CEP112: variants seen among roughly 807,000 people sequenced by gnomAD.
CEP112 encodes centrosomal protein of 112 kDa.
In CEP112, 127 loss-of-function variants were observed where a neutral mutation model predicts 153.0. The observed-to-expected ratio is 0.83, with a 90% CI of 0.72 to 0.96. The LOEUF (loss-of-function observed/expected upper bound fraction) is 0.96. CEP112 is among the 40% of genes least tolerant of loss of function. CEP112 has a pLI of 0.00. For missense variants in CEP112, 1,089 were observed against 1,101.2 expected, an observed-to-expected ratio of 0.99 and a Z score of 0.16; for synonymous variants, 358 against 374.4, an observed-to-expected ratio of 0.96 and a Z score of 0.51.
In CEP112 at chr17:66,081,427, G is replaced by A. The variant is rs190801963; in HGVS notation, c.769-11426C>T. 1.9e-3 allele frequency among the ~76,000 whole-genome samples: 287 copies of A among 152,164 alleles called. 1 individual carries two copies. The highest frequency in any genetic ancestry group is 1.5e-3 in the Non-Finnish European group (99 of 68,006). On this transcript the variant is annotated intron_variant, in intron 8 of 26. Coordinates refer to ENST00000535342, the MANE Select transcript of CEP112 (RefSeq NM_001199165.4). ...GGATATTGGCAATTATCTAATTCTT[G>A]CCTGGGTGGCATTTACAATGGCATT...
At chr17:65,959,949 C>T (rs2062140268) in intron 18 of CEP112, among the ~76,000 whole-genome samples, 1 of 152,182 alleles carries the variant, frequency 6.6e-6, no homozygotes, top group African/African-American at 2.4e-5. Flanking sequence ...TAGCAAAACT[C>T]AGGCAAAGGT....
intron 17 of CEP112, among the ~76,000 whole-genome samples, chr17:65,982,926 A>G (rs2063279961): frequency 6.6e-6 from 1 of 152,246 alleles, no homozygotes; most frequent in Non-Finnish European, 1.5e-5. Context: ...AGATGAACCT[A>G]GAAAACATTA....
At chr17:65,975,268 ACAGT>A (rs1241646328) in intron 17 of CEP112, among the ~76,000 whole-genome samples, 7 of 152,212 alleles carry the variant, frequency 4.6e-5, no homozygotes, top group Admixed American at 1.3e-4. Context: ...CAGGTTTCTC[ACAGT>A]CAGAGGGTAA....
chr17:65,921,788 G>C (rs1159205551), intron 19 of CEP112, among the ~76,000 whole-genome samples: 1 of 151,952 alleles, frequency 6.6e-6, no homozygotes, highest in Non-Finnish European at 1.5e-5. Context: ...TATTGTGTTA[G>C]TATTATTTTT....
At chr17:66,076,759 A>T (rs2146133433) in intron 8 of CEP112, among the ~76,000 whole-genome samples, 1 of 152,324 alleles carries the variant, frequency 6.6e-6, no homozygotes, top group East Asian at 1.9e-4. Flanking sequence ...CAGCACAAAA[A>T]TAGAACTGTA....
chr17:66,096,268 G>C lies in CEP112; in HGVS notation c.751C>G (p.Arg251Gly), dbSNP rs754591356. 1.9e-6 allele frequency: 3 copies of C among 1,611,546 alleles called. No individual in the cohort carries two copies. The African/African-American group carries it at 4.0e-5, about 22-fold the overall frequency. ...SSFHDDHFLSRIREKELDMKT... is the reference protein window; with the variant it reads ...SSFHDDHFLSGIREKELDMKT... The stretch of plus-strand genomic sequence containing the variant: ...ATTCCTACCTCTTTCTCACGTATTC[G>C]AGAGAGAAAATGATCATCATGGAAA... The change falls in exon 8 of 27, where the codon CGA becomes GGA. Residue 251 changes from arginine (R) to glycine (G), a missense_variant. Transcript: ENST00000535342.
At chr17:65,655,257 T>C in intron 24 of CEP112, 1 of 1,012,606 alleles carries the variant, frequency 9.9e-7, no homozygotes, top group Non-Finnish European at 1.6e-6. Flanking sequence ...CGGTGATCTA[T>C]GGTGCAGACT....
intron 17 of CEP112, among the ~76,000 whole-genome samples, chr17:65,992,095 C>A (rs2063616253): frequency 1.3e-5 from 2 of 151,198 alleles, no homozygotes; most frequent in African/African-American, 2.4e-5. Flanking sequence ...GTTTAGTATT[C>A]CATTTAAGTC....
chr17:65,981,537 G>A (rs374977707), intron 17 of CEP112, among the ~76,000 whole-genome samples: 16 of 151,904 alleles, frequency 1.1e-4, no homozygotes, highest in East Asian at 3.9e-4. Context: ...GTATTGTTTC[G>A]GTATGGCTGA....
chr17:66,110,809 T>C (rs1359363331), intron 6 of CEP112, among the ~76,000 whole-genome samples: 1 of 152,142 alleles, frequency 6.6e-6, no homozygotes, highest in Non-Finnish European at 1.5e-5. Context: ...GCAAAGATTT[T>C]ATGACAAAGA....
At chr17:66,130,345 G>A (rs1266590317) in intron 5 of CEP112, among the ~76,000 whole-genome samples, 1 of 152,144 alleles carries the variant, frequency 6.6e-6, no homozygotes, top group East Asian at 1.9e-4. Flanking sequence ...GGGGCGACGT[G>A]AAAAGATGAA....
At chr17:65,951,211 G>A (rs1221701181) in intron 18 of CEP112, among the ~76,000 whole-genome samples, 1 of 152,124 alleles carries the variant, frequency 6.6e-6, no homozygotes, top group African/African-American at 2.4e-5. Flanking sequence ...TGAAATATTT[G>A]TCCAGCTTTG....
chr17:66,166,903 C>CAAAA (rs10714039), intron 4 of CEP112, among the ~76,000 whole-genome samples: 1 of 88,516 alleles, frequency 1.1e-5, no homozygotes. Context: ...GACTCCATCT[C>CAAAA]AAAAAAAAAA....
At chr17:66,007,376 T>C (rs1199630535) in intron 16 of CEP112, among the ~76,000 whole-genome samples, 1 of 152,180 alleles carries the variant, frequency 6.6e-6, no homozygotes, top group Non-Finnish European at 1.5e-5. Context: ...TGCCACTACA[T>C]TTATTTTATC....
At chr17:65,946,567 G>T (rs2061655584) in intron 18 of CEP112, among the ~76,000 whole-genome samples, 1 of 152,030 alleles carries the variant, frequency 6.6e-6, no homozygotes, top group African/African-American at 2.4e-5. Context: ...AATTACCATG[G>T]TTTAACAGTA....
At chr17:66,047,538 C>G (rs2066264055) in intron 12 of CEP112, among the ~76,000 whole-genome samples, 1 of 152,110 alleles carries the variant, frequency 6.6e-6, no homozygotes, top group Non-Finnish European at 1.5e-5. Flanking sequence ...TTCATCATCT[C>G]TTTTCTAAAG....
intron 21 of CEP112, among the ~76,000 whole-genome samples, chr17:65,795,858 A>T (rs1004356320): frequency 1.3e-5 from 2 of 152,192 alleles, no homozygotes; most frequent in African/African-American, 4.8e-5. Context: ...TTACCATTTT[A>T]TTCCACTAAA....
intron 8 of CEP112, 132 bp from the exon 9 acceptor site, chr17:66,070,133 C>T: frequency 1.7e-6 from 1 of 602,150 alleles, no homozygotes; most frequent in East Asian, 2.8e-5. Flanking sequence ...GTCACAGATT[C>T]TAGCAATCAC....
chr17:65,636,259 G>A (rs2061044750), intron 26 of CEP112, among the ~76,000 whole-genome samples: 2 of 152,210 alleles, frequency 1.3e-5, no homozygotes, highest in Non-Finnish European at 2.9e-5. Flanking sequence ...TGGAATTACA[G>A]CAGGTAAACA....
Sources: allele counts gnomAD v4.1 joint callset (sites outside exome capture counted in the v4.1 genomes callset), GRCh38; gene constraint gnomAD v4.1.1; transcripts MANE v1.5; gene names NCBI Gene and HGNC (gene_info 2026-07-23, HGNC 2026-07-21).